VCF1: variants seen among roughly 807,000 people sequenced by gnomAD.
VCF1 encodes the protein protein VCF1.
At chr17:73,229,387 G>A in the VCF1 span, 1 of 985,392 alleles carries the variant, frequency 1.0e-6, no homozygotes, top group Non-Finnish European at 1.2e-6. Context: ...TGGCATTAAT[G>A]CCACAGACCA....
the VCF1 span, among the ~76,000 whole-genome samples, chr17:73,213,317 G>C: frequency 6.6e-6 from 1 of 151,728 alleles, no homozygotes; most frequent in Non-Finnish European, 1.5e-5. Flanking sequence ...ATGTCTAATA[G>C]AGAATTGGTT....
the VCF1 span, among the ~76,000 whole-genome samples, chr17:73,222,361 T>G: frequency 2.0e-5 from 3 of 151,766 alleles, no homozygotes; most frequent in African/African-American, 4.8e-5. Flanking sequence ...CACATTTTTG[T>G]TTTTTTTCTT....
chr17:73,223,265 C>T, the VCF1 span, among the ~76,000 whole-genome samples: 2 of 152,028 alleles, frequency 1.3e-5, no homozygotes, highest in Non-Finnish European at 2.9e-5. Context: ...TATGGCAAGC[C>T]GAGATTGCGC....
chr17:73,222,930 G>A, the VCF1 span, among the ~76,000 whole-genome samples: 3 of 152,274 alleles, frequency 2.0e-5, no homozygotes, highest in South Asian at 4.1e-4. Context: ...CTGGGGCTCC[G>A]TTCCTCCTCT....
chr17:73,213,869 C>T, the VCF1 span, among the ~76,000 whole-genome samples: 2 of 152,094 alleles, frequency 1.3e-5, no homozygotes, highest in Admixed American at 6.5e-5. Context: ...TCTCAGGAGG[C>T]TGAGACAGCA....
At chr17:73,228,721 T>G in the VCF1 span, among the ~76,000 whole-genome samples, 13 of 152,210 alleles carry the variant, frequency 8.5e-5, no homozygotes, top group African/African-American at 3.1e-4. Context: ...TTAATAATCA[T>G]TAAATGGGTG....
chr17:73,228,721 T>A, the VCF1 span, among the ~76,000 whole-genome samples: 1 of 152,328 alleles, frequency 6.6e-6, no homozygotes, highest in South Asian at 2.1e-4. Flanking sequence ...TTAATAATCA[T>A]TAAATGGGTG....
At chr17:73,208,234 C>T in the VCF1 span, 1,888 of 1,606,640 alleles carry the variant, frequency 1.2e-3, 13 homozygotes, top group African/African-American at 0.019. Flanking sequence ...GTGTGGACTC[C>T]GAGTGGCGTC....
chr17:73,231,123 C>T, the VCF1 span, among the ~76,000 whole-genome samples: 1 of 152,054 alleles, frequency 6.6e-6, no homozygotes, highest in Non-Finnish European at 1.5e-5. Context: ...GCTACATGAC[C>T]CAAATCAATA....
chr17:73,232,235 A>G, the VCF1 span: 1 of 1,611,846 alleles, frequency 6.2e-7, no homozygotes, highest in Non-Finnish European at 8.5e-7. Context: ...GGGTGGACGC[A>G]GCCGGTGGCG....
At chr17:73,209,697 G>T in the VCF1 span, 10 of 1,548,192 alleles carry the variant, frequency 6.5e-6, no homozygotes, top group Non-Finnish European at 8.7e-6. Context: ...CTTCCGGCCC[G>T]CTGGCCCTGT....
At chr17:73,207,563 T>C in the VCF1 span, 4 of 684,786 alleles carry the variant, frequency 5.8e-6, no homozygotes, top group African/African-American at 1.8e-5. Flanking sequence ...CCCGGCACTA[T>C]CATTGTACTT....
the VCF1 span, chr17:73,232,066 G>T: frequency 6.3e-7 from 1 of 1,582,572 alleles, no homozygotes; most frequent in Non-Finnish European, 8.6e-7. Context: ...CGAATGGAAA[G>T]GGGGTCCCTT....
chr17:73,209,548 C>T, the VCF1 span: 6 of 1,587,126 alleles, frequency 3.8e-6, no homozygotes, highest in South Asian at 1.2e-5. Flanking sequence ...AGGCCGCCCT[C>T]GGTGCTGTAG....
At chr17:73,228,991 C>T in the VCF1 span, among the ~76,000 whole-genome samples, 2 of 152,190 alleles carry the variant, frequency 1.3e-5, no homozygotes, top group African/African-American at 2.4e-5. Flanking sequence ...GCTATCTCCT[C>T]ATTTATAATG....
the VCF1 span, among the ~76,000 whole-genome samples, chr17:73,211,931 TGAG>T: frequency 6.6e-6 from 1 of 151,948 alleles, no homozygotes; most frequent in East Asian, 1.9e-4. Context: ...CTCAGGAAGC[TGAG>T]GTGGGGGAAT....
the VCF1 span, among the ~76,000 whole-genome samples, chr17:73,225,247 G>C: frequency 2.0e-5 from 3 of 152,124 alleles, 1 homozygote; most frequent in South Asian, 6.2e-4. Flanking sequence ...GTAAGGACAA[G>C]CTCAGCTAGA....
chr17:73,218,044 C>T, the VCF1 span, among the ~76,000 whole-genome samples: 7 of 152,228 alleles, frequency 4.6e-5, no homozygotes, highest in African/African-American at 1.7e-4. Context: ...CCTCCATCCC[C>T]TCTTTCAATG....
At chr17:73,229,177 CT>C in the VCF1 span, 1 of 985,434 alleles carries the variant, frequency 1.0e-6, no homozygotes, top group Non-Finnish European at 1.2e-6. Context: ...CCAGAATAAT[CT>C]CTTTGGCCTG....
Sources: allele counts gnomAD v4.1 joint callset (sites outside exome capture counted in the v4.1 genomes callset), GRCh38; gene constraint gnomAD v4.1.1; transcripts MANE v1.5; gene names NCBI Gene and HGNC (gene_info 2026-07-23, HGNC 2026-07-21).